NPIPB6: variants seen among roughly 807,000 people sequenced by gnomAD.
The protein encoded by NPIPB6 is nuclear pore complex interacting protein family member B6, also known as nuclear pore complex-interacting protein family member B6.
Under a neutral mutation model 20.0 loss-of-function variants are expected in NPIPB6, and 2 were observed. The observed-to-expected ratio is 0.10, with a 90% CI of 0.04 to 0.31. The LOEUF (loss-of-function observed/expected upper bound fraction) is 0.31. Among genes scored for constraint, NPIPB6 ranks in the 10% least tolerant of loss-of-function variants. The pLI is 1.00. For missense variants in NPIPB6, 96 were observed against 293.7 expected (o/e 0.33, Z 4.92); for synonymous variants, 35 against 116.3 (o/e 0.30, Z 4.50).
At position 28,348,248 on chromosome 16, in the gene NPIPB6, A is replaced by T. The variant is rs28533906; in HGVS notation, c.599+586T>A. ...AAGATTGCACCATAGCACTCCAGCCAGGGCGACAGAGCGAGATTCTATCTC... is the reference window on the plus strand; with the variant it reads ...AAGATTGCACCATAGCACTCCAGCCTGGGCGACAGAGCGAGATTCTATCTC... On this transcript the variant is annotated intron_variant, in intron 4 of 6. Coordinates refer to ENST00000532254, the Ensembl canonical transcript of NPIPB6. Among the ~76,000 whole-genome samples, 275 of 109,476 alleles carry T rather than the reference A, an allele frequency of 2.5e-3. 4 individuals carry two copies. Among genetic ancestry groups the T allele is most frequent in the East Asian group, 0.016 (55 of 3,474 alleles). 71.8% of individuals were successfully genotyped at this position (109,476 alleles called of 152,430 possible). A position where few individuals can be genotyped will look rare whatever the true frequency, so the allele number is the denominator to read the frequency against.
exon 1 of NPIPB6, chr16:28,362,917 G>C (rs1596587964): frequency 7.9e-7 from 1 of 1,258,110 alleles, no homozygotes; most frequent in Middle Eastern, 2.5e-4. Flanking sequence ...GGTGATGTTT[G>C]AGTCTATAGT....
In NPIPB6 at chr16:28,362,779, T is replaced by C; in HGVS notation, c.44A>G (p.His15Arg). 15 of 1,592,608 alleles carry C rather than the reference T, an allele frequency of 9.4e-6. 1 individual carries two copies. Among genetic ancestry groups the C allele is most frequent in the Non-Finnish European group, 1.3e-5 (15 of 1,177,384 alleles). ...CTCCTTGGTGAGCTGGCTCTGGTCATGCGACAGGAACTGTGGGGTCAGGAC... is the reference window on the plus strand; with the variant it reads ...CTCCTTGGTGAGCTGGCTCTGGTCACGCGACAGGAACTGTGGGGTCAGGAC... Residue 15 changes from histidine (H) to arginine (R), a missense_variant, in exon 1 of 7, where the codon CAT (histidine) becomes CGT (arginine). This residue lies in a region of NPIPB6 where 7 missense variants were observed against 51.8 expected (regional missense o/e 0.14). Transcript: ENST00000532254.
intron 1 of NPIPB6, among the ~76,000 whole-genome samples, chr16:28,362,421 AC>A (rs2045463141): frequency 6.6e-6 from 1 of 151,670 alleles, no homozygotes; most frequent in East Asian, 1.9e-4. Context: ...ATAATAAATA[AC>A]CTTTTTAAGT....
chr16:28,348,309 G>A (rs1388700281), intron 4 of NPIPB6, among the ~76,000 whole-genome samples: 2 of 109,210 alleles, frequency 1.8e-5, no homozygotes, highest in African/African-American at 3.2e-5. Flanking sequence ...GCTGGGTGTG[G>A]TGGCTCACAC....
At chr16:28,356,713 C>G (rs1173399027) in intron 1 of NPIPB6, 3 of 52,924 alleles carry the variant, frequency 5.7e-5, no homozygotes, top group South Asian at 9.0e-5. Flanking sequence ...TGGGGAGGGG[C>G]AGGGGAGGGG....
chr16:28,356,123 CTCTG>C (rs1474297936), intron 1 of NPIPB6, among the ~76,000 whole-genome samples: 40 of 48,834 alleles, frequency 8.2e-4, no homozygotes, highest in Non-Finnish European at 1.4e-3. Flanking sequence ...CAGAGTGAGA[CTCTG>C]TCTAAAAAAA....
intron 1 of NPIPB6, among the ~76,000 whole-genome samples, chr16:28,359,376 C>CA (rs2045377888): frequency 2.0e-5 from 2 of 99,978 alleles, no homozygotes; most frequent in Non-Finnish European, 3.9e-5. Flanking sequence ...CTCATGGAGG[C>CA]ATGGCCAGGC....
intron 1 of NPIPB6, among the ~76,000 whole-genome samples, chr16:28,360,068 GGAA>G (rs1321581465): frequency 6.9e-6 from 1 of 144,496 alleles, no homozygotes; most frequent in Non-Finnish European, 1.5e-5. Flanking sequence ...GGAACAAAGA[GGAA>G]GAATCAGGCC....
chr16:28,359,718 C>T lies in NPIPB6; in HGVS notation c.120+2985G>A, dbSNP rs3874739. 4.7e-5 allele frequency among the ~76,000 whole-genome samples: 7 copies of T among 149,938 alleles called. No individual in the cohort carries two copies. In the East Asian group the frequency reaches 6.1e-4, roughly 13 times the overall value. On this transcript the variant is annotated intron_variant, in intron 1 of 6. Transcript: ENST00000532254. ...ATGAGGGTCTGGGCACTCCTGGGGA[C>T]AGCTGAGTGGTAGGACTCCTGGGTC...
At chr16:28,342,963 G>A in exon 7 of NPIPB6, 2 of 1,587,528 alleles carry the variant, frequency 1.3e-6, no homozygotes, top group African/African-American at 1.4e-5. Context: ...GAGGGTGGAA[G>A]AGGAGCAAGA....
intron 1 of NPIPB6, among the ~76,000 whole-genome samples, chr16:28,355,879 T>C (rs920646190): frequency 8.3e-6 from 1 of 120,930 alleles, no homozygotes; most frequent in Non-Finnish European, 1.9e-5. Context: ...CCAGGCGCGG[T>C]GGCTCACGCC....
rs71225064 is a variant in NPIPB6, at chr16:28,349,547, TCACACACA to T, written c.304-314_304-307del. 9.7e-3 allele frequency among the ~76,000 whole-genome samples: 560 copies of T among 57,566 alleles called. 3 individuals are homozygous for T. Among genetic ancestry groups the T allele is most frequent in the African/African-American group, 0.025 (402 of 16,016 alleles). The allele number at this position is 57,566 out of a possible 152,430, so 37.8% of individuals were successfully genotyped here. ...GCCTGAGCGACAGAATGAGACTCTG[TCACACACA>T]CACACACACACACACACACACACAC... On this transcript the variant is annotated intron_variant, in intron 2 of 6. Coordinates refer to ENST00000532254, the Ensembl canonical transcript of NPIPB6.
At chr16:28,360,411 G>A (rs1567234147) in intron 1 of NPIPB6, among the ~76,000 whole-genome samples, 1 of 132,176 alleles carries the variant, frequency 7.6e-6, no homozygotes. Context: ...TGAGTTCACT[G>A]CTGATTACAT....
At chr16:28,361,942 T>C (rs923727669) in intron 1 of NPIPB6, among the ~76,000 whole-genome samples, 3 of 150,490 alleles carry the variant, frequency 2.0e-5, no homozygotes, top group African/African-American at 7.3e-5. Flanking sequence ...ATAAAAAATA[T>C]GTATTACATG....
chr16:28,349,889 C>CA (rs1178858068), intron 2 of NPIPB6, among the ~76,000 whole-genome samples: 766 of 16,766 alleles, frequency 0.046, 16 homozygotes, highest in East Asian at 0.096. Context: ...AACTCTGTCT[C>CA]AAAAAAAAAA....
intron 1 of NPIPB6, among the ~76,000 whole-genome samples, chr16:28,361,770 A>ACG (rs2045443168): frequency 2.7e-5 from 2 of 72,780 alleles, no homozygotes; most frequent in East Asian, 7.5e-4. Flanking sequence ...GTGTGTGTGT[A>ACG]TGTGTGTGTG....
intron 1 of NPIPB6, among the ~76,000 whole-genome samples, chr16:28,361,060 G>GT (rs2045420280): frequency 3.6e-5 from 1 of 28,114 alleles, no homozygotes; most frequent in Admixed American, 4.2e-4. Context: ...ACACACGTAG[G>GT]TTTCAGTTCC....
intron 1 of NPIPB6, among the ~76,000 whole-genome samples, chr16:28,359,672 G>C (rs1361238901): frequency 6.8e-6 from 1 of 146,730 alleles, no homozygotes; most frequent in African/African-American, 2.5e-5. Context: ...CAGGGGTAGG[G>C]CTCCTAGGTC....
chr16:28,361,485 G>A (rs1393167193), intron 1 of NPIPB6, among the ~76,000 whole-genome samples: 4 of 151,170 alleles, frequency 2.6e-5, no homozygotes, highest in Admixed American at 2.6e-4. Context: ...AGCACTTTGG[G>A]AGGCCACGGT....
Sources: allele counts gnomAD v4.1 joint callset (sites outside exome capture counted in the v4.1 genomes callset), GRCh38; gene constraint gnomAD v4.1.1; regional missense constraint gnomAD v4.1.1; transcripts MANE v1.5; gene names NCBI Gene and HGNC (gene_info 2026-07-23, HGNC 2026-07-21).